MAGED1: variants seen among roughly 807,000 people sequenced by gnomAD.
MAGED1 encodes the protein melanoma-associated antigen D1.
A neutral mutation model predicts 54.1 loss-of-function variants in MAGED1; 3 were observed. The observed-to-expected ratio is 0.06, with a 90% CI of 0.03 to 0.14. The LOEUF is 0.14. MAGED1 is among the 10% of genes least tolerant of loss of function. MAGED1 has a pLI of 1.00. For missense variants in MAGED1, 485 were observed against 623.4 expected, an observed-to-expected ratio of 0.78 and a Z score of 2.36; for synonymous variants, 217 against 227.3, an observed-to-expected ratio of 0.95 and a Z score of 0.41.
chrX:51,842,356 A>T (rs1386461207), intron 1 of MAGED1, among the ~76,000 whole-genome samples: 4 of 111,919 alleles, frequency 3.6e-5, no homozygotes, highest in Non-Finnish European at 7.5e-5. Flanking sequence ...TGTTGTTTGA[A>T]TGCTTTGGTT....
chrX:51,841,421 C>A (rs1926477747), intron 1 of MAGED1, among the ~76,000 whole-genome samples: 1 of 110,495 alleles, frequency 9.1e-6, no homozygotes, highest in Non-Finnish European at 1.9e-5. Context: ...TTTTGCTGTG[C>A]AGAAGCTCTT....
At chrX:51,821,982 T>C (rs1162493694) in intron 1 of MAGED1, among the ~76,000 whole-genome samples, 1 of 111,745 alleles carries the variant, frequency 8.9e-6, no homozygotes, top group African/African-American at 3.3e-5. Flanking sequence ...TTTGGTTTGC[T>C]TGTATTTTGT....
chrX:51,804,626 C>T (rs1225423791), intron 1 of MAGED1, among the ~76,000 whole-genome samples: 2 of 110,865 alleles, frequency 1.8e-5, no homozygotes, highest in Non-Finnish European at 3.8e-5. Flanking sequence ...AGCTGGGAGA[C>T]AGACAATAAC....
At chrX:51,878,530 G>T (rs199829430) in intron 1 of MAGED1, among the ~76,000 whole-genome samples, 1 of 111,035 alleles carries the variant, frequency 9.0e-6, no homozygotes, top group African/African-American at 3.3e-5. Flanking sequence ...CCATAGGAAC[G>T]CATTTGATAT....
chrX:51,897,531 C>T lies in MAGED1; in HGVS notation c.1487-16C>T. The stretch of plus-strand genomic sequence containing the variant: ...GCCCCCGCTCGGCTCAGATGGCTCC[C>T]TCCTCTCTCCTACAGAAATGCTGAG... On this transcript the variant is annotated splice_polypyrimidine_tract_variant and intron_variant, in intron 5 of 12. Coordinates refer to ENST00000326587, the MANE Select transcript of MAGED1 (RefSeq NM_006986.4). 3 of 1,184,214 alleles carry T rather than the reference C, an allele frequency of 2.5e-6. No individual in the cohort carries two copies. The South Asian group carries it at 5.3e-5, about 21-fold the overall frequency.
chrX:51,824,566 C>A (rs1262193279), intron 1 of MAGED1, among the ~76,000 whole-genome samples: 1 of 109,447 alleles, frequency 9.1e-6, no homozygotes, highest in Non-Finnish European at 1.9e-5. Context: ...ATTTTTTCAT[C>A]AAATTTGTGA....
chrX:51,808,710 G>GA (rs34543962), intron 1 of MAGED1, among the ~76,000 whole-genome samples: 66 of 108,958 alleles, frequency 6.1e-4, no homozygotes, highest in Non-Finnish European at 1.1e-3. Flanking sequence ...CCCTGCCTTA[G>GA]AAAAAAAAAT....
At chrX:51,883,827 C>T (rs1928147435) in intron 1 of MAGED1, among the ~76,000 whole-genome samples, 1 of 111,510 alleles carries the variant, frequency 9.0e-6, no homozygotes, top group Non-Finnish European at 1.9e-5. Context: ...AATTTTAAAA[C>T]TGAAAATTTT....
chrX:51,888,534 A>G (rs1928322376), upstream of MAGED1, among the ~76,000 whole-genome samples: 1 of 112,258 alleles, frequency 8.9e-6, no homozygotes, highest in South Asian at 3.7e-4. Context: ...GTCAAATGGT[A>G]TGATCACTCT....
chrX:51,861,932 T>G (rs1455754842), intron 1 of MAGED1, among the ~76,000 whole-genome samples: 1 of 111,923 alleles, frequency 8.9e-6, no homozygotes, highest in Non-Finnish European at 1.9e-5. Flanking sequence ...TCTGCTCGCC[T>G]TGGCCTCCCA....
Position 51,896,706 on chromosome X carries a change from C to G in MAGED1, c.1051C>G (p.Gln351Glu). Reference protein sequence around the residue: ...PVIWPNPVIWQNPVIWPNPIV... With the variant: ...PVIWPNPVIWENPVIWPNPIV... ...GATTTGGCCAAACCCAGTAATCTGG[C>G]AGAACCCAGTGATCTGGCCAAACCC... Residue 351 changes from glutamine (Q) to glutamate (E), a missense_variant, in exon 4 of 13, where the codon CAG becomes GAG. Gln to Glu is a conservative substitution (Grantham distance 29, BLOSUM62 2). Coordinates refer to ENST00000326587, the MANE Select transcript of MAGED1 (RefSeq NM_006986.4). 1 of 1,212,277 alleles carries G rather than the reference C, an allele frequency of 8.2e-7. No homozygotes were observed. The highest frequency in any genetic ancestry group is 1.1e-6 in the Non-Finnish European group (1 of 895,601).
intron 1 of MAGED1, among the ~76,000 whole-genome samples, chrX:51,807,895 G>T (rs782303020): frequency 9.0e-6 from 1 of 111,259 alleles, no homozygotes; most frequent in African/African-American, 3.3e-5. Flanking sequence ...GTTATTCCTG[G>T]TCTTTTTCCT....
At chrX:51,879,395 CT>C (rs200523439) in intron 1 of MAGED1, among the ~76,000 whole-genome samples, 4 of 110,317 alleles carry the variant, frequency 3.6e-5, no homozygotes, top group East Asian at 2.8e-4. Flanking sequence ...TTCTCCTTTA[CT>C]TTTTTTTTCT....
chrX:51,865,387 T>C (rs1208859604), intron 1 of MAGED1, among the ~76,000 whole-genome samples: 1 of 112,090 alleles, frequency 8.9e-6, no homozygotes, highest in African/African-American at 3.2e-5. Flanking sequence ...AATGTATGAA[T>C]GCATAAATTG....
At chrX:51,878,180 C>T (rs994078740) in intron 1 of MAGED1, among the ~76,000 whole-genome samples, 1 of 111,400 alleles carries the variant, frequency 9.0e-6, no homozygotes, top group African/African-American at 3.3e-5. Flanking sequence ...CATTGAGGTT[C>T]TACTTGCAGG....
intron 1 of MAGED1, among the ~76,000 whole-genome samples, chrX:51,875,905 G>T (rs193274586): frequency 2.8e-3 from 314 of 111,612 alleles, no homozygotes; most frequent in African/African-American, 1.0e-2. Context: ...AAGGCTTGGG[G>T]TAGATATTCA....
intron 1 of MAGED1, among the ~76,000 whole-genome samples, chrX:51,813,369 C>T (rs1248516247): frequency 1.8e-5 from 2 of 111,272 alleles, no homozygotes; most frequent in African/African-American, 6.5e-5. Flanking sequence ...TCATTTTCTG[C>T]TCCACAACTG....
chrX:51,848,399 C>G (rs1164159427), intron 1 of MAGED1, among the ~76,000 whole-genome samples: 13 of 111,778 alleles, frequency 1.2e-4, no homozygotes, highest in African/African-American at 4.2e-4. Context: ...ACAGAACTTA[C>G]AAAAGCTGTT....
chrX:51,897,504 T>C (rs889132174), intron 5 of MAGED1, 43 bp from the exon 6 acceptor site: 5 of 1,053,634 alleles, frequency 4.7e-6, no homozygotes, highest in Non-Finnish European at 6.6e-6. Flanking sequence ...TGCTGCTCTG[T>C]GGCCCCCGCT....
Sources: gnomAD v4.1 joint callset for allele counts (sites outside exome capture counted in the v4.1 genomes callset) on GRCh38, gnomAD v4.1.1 for gene constraint, MANE v1.5 for transcripts, NCBI Gene and HGNC (gene_info 2026-07-23, HGNC 2026-07-21) for gene names.